PCDH15: variants seen among roughly 807,000 people sequenced by gnomAD.
The protein encoded by PCDH15 is protocadherin-15.
A neutral mutation model predicts 178.5 loss-of-function variants in PCDH15; 129 were observed. The ratio of observed to expected loss-of-function variants is 0.72; its 90% confidence interval spans 0.63 to 0.84. The LOEUF is 0.84. PCDH15 is among the 40% of genes least tolerant of loss of function. The pLI is 0.00. For synonymous variants in PCDH15, 800 were observed against 732.0 expected, an observed-to-expected ratio of 1.09 and a Z score of -1.50; for missense variants, 2,230 against 2,099.9, an observed-to-expected ratio of 1.06 and a Z score of -1.21.
At chr10:54,490,256 CTGGCTA>C in intron 3 of PCDH15, among the ~76,000 whole-genome samples, 1 of 152,070 alleles carries the variant, frequency 6.6e-6, no homozygotes, top group Non-Finnish European at 1.5e-5. Context: ...CGAGACCATC[CTGGCTA>C]ACACGGTGAA....
At chr10:54,717,541 C>G (rs1387091456) in intron 1 of PCDH15, among the ~76,000 whole-genome samples, 1 of 144,448 alleles carries the variant, frequency 6.9e-6, no homozygotes, top group Admixed American at 7.0e-5. Flanking sequence ...CAGAGAAATG[C>G]AAATCAAAAC....
intron 21 of PCDH15, among the ~76,000 whole-genome samples, chr10:53,980,520 A>G (rs1179141231): frequency 6.6e-6 from 1 of 152,172 alleles, no homozygotes; most frequent in African/African-American, 2.4e-5. Flanking sequence ...ATGAGGATGT[A>G]AGCACTGTAC....
chr10:55,207,616 G>GTT (rs1840437401), intron 1 of PCDH15, among the ~76,000 whole-genome samples: 1 of 152,126 alleles, frequency 6.6e-6, no homozygotes, highest in Non-Finnish European at 1.5e-5. Flanking sequence ...TACTCAGATA[G>GTT]TTATAATCAG....
intron 25 of PCDH15, among the ~76,000 whole-genome samples, chr10:53,929,102 TCTGATTATATATCATTG>T (rs920663808): frequency 1.1e-3 from 163 of 152,182 alleles, no homozygotes; most frequent in African/African-American, 3.8e-3. Context: ...TTTTGAAAAG[TCTGATTATATATCATTG>T]TCATCAGTTC....
chr10:55,380,860 C>A (rs188810831), intron 2 of PCDH15, among the ~76,000 whole-genome samples: 65 of 152,244 alleles, frequency 4.3e-4, no homozygotes, highest in African/African-American at 1.6e-3. Flanking sequence ...AGACCCTTCA[C>A]AGTCATTGAT....
intron 2 of PCDH15, among the ~76,000 whole-genome samples, chr10:54,529,694 T>C (rs1341103685): frequency 6.6e-6 from 1 of 152,142 alleles, no homozygotes; most frequent in Non-Finnish European, 1.5e-5. Context: ...TGCTTCTTTT[T>C]GTAGAATTAG....
At chr10:54,545,917 C>T (rs774674950) in intron 2 of PCDH15, among the ~76,000 whole-genome samples, 3 of 152,122 alleles carry the variant, frequency 2.0e-5, no homozygotes, top group African/African-American at 4.8e-5. Flanking sequence ...TTGGAATCTG[C>T]GAAGCAGAAG....
At chr10:54,475,232 C>A (rs2078196797) in intron 3 of PCDH15, among the ~76,000 whole-genome samples, 1 of 151,794 alleles carries the variant, frequency 6.6e-6, no homozygotes, top group African/African-American at 2.4e-5. Flanking sequence ...ACGACTAATG[C>A]CAGTGATTAT....
At chr10:54,773,718 C>T (rs1028410377) in intron 1 of PCDH15, among the ~76,000 whole-genome samples, 2 of 152,150 alleles carry the variant, frequency 1.3e-5, no homozygotes, top group African/African-American at 4.8e-5. Context: ...CTGCCCTTTT[C>T]ACCCCTGACT....
intron 3 of PCDH15, among the ~76,000 whole-genome samples, chr10:54,813,507 G>C (rs1564531284): frequency 6.6e-6 from 1 of 152,170 alleles, no homozygotes; most frequent in Non-Finnish European, 1.5e-5. Flanking sequence ...TCTGAGAGCA[G>C]CTCTTTTTTT....
intron 37 of PCDH15, among the ~76,000 whole-genome samples, chr10:53,810,343 A>C (rs969448596): frequency 3.9e-5 from 6 of 152,168 alleles, no homozygotes; most frequent in African/African-American, 1.2e-4. Context: ...AATGTTTAAC[A>C]CTTTTAGAAG....
At chr10:54,479,432 C>T (rs1018650969) in intron 3 of PCDH15, among the ~76,000 whole-genome samples, 2 of 151,822 alleles carry the variant, frequency 1.3e-5, no homozygotes, top group African/African-American at 4.8e-5. Context: ...TAATACTATG[C>T]TTTACTAATT....
At chr10:55,291,020 T>C (rs906547418) in intron 1 of PCDH15, among the ~76,000 whole-genome samples, 2 of 152,162 alleles carry the variant, frequency 1.3e-5, no homozygotes, top group Non-Finnish European at 1.5e-5. Context: ...ATTTCATAAA[T>C]TTCAAGGATA....
chr10:55,052,089 G>A (rs376685477), intron 2 of PCDH15, among the ~76,000 whole-genome samples: 1 of 150,864 alleles, frequency 6.6e-6, no homozygotes, highest in Non-Finnish European at 1.5e-5. Context: ...TAATCGATAC[G>A]ATTTTTTTTT....
At position 54,214,020 on chromosome 10, in the gene PCDH15, G is replaced by A. The variant is rs1174644881; in HGVS notation, c.1014C>T (p.Phe338=). 1 of 1,609,794 alleles carries A rather than the reference G, an allele frequency of 6.2e-7. No homozygotes were observed. Among genetic ancestry groups the A allele is most frequent in the Non-Finnish European group, 8.5e-7 (1 of 1,176,384 alleles). ...VGTPEDYPRF[F]HMHPRTAELS... Reference sequence around the variant, plus strand: ...GTTCTGCTGTCCTAGGATGCATATGGAAAAATCGTGGGTAATCCTCAGGAG... The same window carrying A: ...GTTCTGCTGTCCTAGGATGCATATGAAAAAATCGTGGGTAATCCTCAGGAG... The change falls in exon 10 of 38, where the codon TTC becomes TTT. Residue 338 remains phenylalanine (F), a synonymous_variant. Coordinates refer to ENST00000644397, the MANE Select transcript of PCDH15 (RefSeq NM_001384140.1).
intron 15 of PCDH15, among the ~76,000 whole-genome samples, chr10:54,113,476 T>A (rs2095060450): frequency 6.6e-6 from 1 of 152,154 alleles, no homozygotes; most frequent in Non-Finnish European, 1.5e-5. Context: ...GGGCAATATC[T>A]GTAGTGTGAA....
chr10:55,092,676 CAATA>C (rs763585125), intron 2 of PCDH15, among the ~76,000 whole-genome samples: 4 of 151,632 alleles, frequency 2.6e-5, no homozygotes, highest in South Asian at 4.2e-4. Context: ...TAGAATGCAC[CAATA>C]AAAACTTACA....
At chr10:54,897,740 T>G (rs967485741) in intron 2 of PCDH15, among the ~76,000 whole-genome samples, 1 of 152,194 alleles carries the variant, frequency 6.6e-6, no homozygotes, top group Non-Finnish European at 1.5e-5. Flanking sequence ...CAAAATGTTT[T>G]ATCTTTAAGT....
intron 1 of PCDH15, among the ~76,000 whole-genome samples, chr10:54,698,755 C>T (rs915719245): frequency 1.3e-5 from 2 of 152,100 alleles, no homozygotes; most frequent in Admixed American, 6.6e-5. Context: ...TTATGCCTGG[C>T]ACATGATAGC....
Sources: gnomAD v4.1 joint callset for allele counts (sites outside exome capture counted in the v4.1 genomes callset) on GRCh38, gnomAD v4.1.1 for gene constraint, MANE v1.5 for transcripts, NCBI Gene and HGNC (gene_info 2026-07-23, HGNC 2026-07-21) for gene names.